HAO1: variants seen among roughly 807,000 people sequenced by gnomAD.
HAO1 encodes hydroxyacid oxidase 1.
Under a neutral mutation model 39.7 loss-of-function variants are expected in HAO1, and 34 were observed. The observed-to-expected ratio is 0.86, with a 90% CI of 0.65 to 1.14. HAO1 has a LOEUF of 1.14. HAO1 is among the 50% of genes most tolerant of loss of function. The pLI, the probability that HAO1 is intolerant of heterozygous loss-of-function variation, is 0.00. For missense variants in HAO1, 479 were observed against 464.5 expected, an observed-to-expected ratio of 1.03 and a Z score of -0.29; for synonymous variants, 172 against 173.2, an observed-to-expected ratio of 0.99 and a Z score of 0.05.
rs759839485 is a variant in HAO1 at position 7,885,828 on chromosome 20, C to T, written c.850G>A (p.Gly284Arg). 27 of 1,613,664 alleles carry T rather than the reference C, an allele frequency of 1.7e-5. No homozygotes were observed. Among genetic ancestry groups the T allele is most frequent in the Non-Finnish European group, 2.3e-5 (27 of 1,179,654 alleles). ...CCGTCCAGGAAGACTTCCACCTTCC[C>T]TTCCACAGCCTCCACAATTTCTGGC... ...VLPEIVEAVE[G>R]KVEVFLDGGV... Residue 284 changes from glycine to arginine, a missense_variant, in exon 6 of 8, where the codon GGG (glycine) becomes AGG (arginine). By Grantham distance (125) the Gly-to-Arg change is moderately radical. Transcript: ENST00000378789.
chr20:7,934,695 C>T, intron 1 of HAO1, 60 bp from the exon 2 acceptor site: 2 of 1,011,682 alleles, frequency 2.0e-6, no homozygotes, highest in Non-Finnish European at 2.7e-6. Flanking sequence ...ATAACCAAAA[C>T]TTTGACATTA....
rs867019122 is a variant in HAO1, at chr20:7,895,152, AG to A, written c.793del (p.Leu265SerfsTer37). ...ILVSNHGARQ[L>X]DGVPATIDVL... Reference sequence around the variant, plus strand: ...ACTCACAGTGGCTGGCACCCCATCGAGTTGTCGAGCCCCATGATTCGACACC... The same window carrying A: ...ACTCACAGTGGCTGGCACCCCATCGATTGTCGAGCCCCATGATTCGACACC... On this transcript the variant is annotated frameshift_variant, in exon 5 of 8. Transcript: ENST00000378789. LOFTEE classifies it high-confidence loss of function. 56 of 1,610,560 alleles carry A rather than the reference AG, an allele frequency of 3.5e-5. No individual in the cohort carries two copies. Among genetic ancestry groups the A allele is most frequent in the Non-Finnish European group, 4.8e-5 (56 of 1,177,030 alleles).
At chr20:7,898,916 G>T (rs535968677) in intron 4 of HAO1, among the ~76,000 whole-genome samples, 1 of 149,614 alleles carries the variant, frequency 6.7e-6, no homozygotes, top group East Asian at 2.0e-4. Flanking sequence ...ATCTAGTTAT[G>T]TACAGGATCC....
chr20:7,887,778 A>C (rs753673751), intron 5 of HAO1, among the ~76,000 whole-genome samples: 10 of 152,186 alleles, frequency 6.6e-5, no homozygotes, highest in Non-Finnish European at 1.2e-4. Context: ...CCTAAAAGTA[A>C]ACTAATAAAG....
At chr20:7,903,256 C>T (rs2050229099) in intron 4 of HAO1, among the ~76,000 whole-genome samples, 1 of 150,132 alleles carries the variant, frequency 6.7e-6, no homozygotes, top group Non-Finnish European at 1.5e-5. Flanking sequence ...TAAGTTATTT[C>T]CCTTTAAATG....
rs2050149113 is a variant in HAO1 at position 7,885,874 on chromosome 20, G to A, written c.814-10C>T. 1 of 1,610,710 alleles carries A rather than the reference G, an allele frequency of 6.2e-7. No individual in the cohort carries two copies. Among genetic ancestry groups the A allele is most frequent in the Admixed American group, 1.7e-5 (1 of 59,884 alleles). ...CTGGCAGAACATCAATCTGGGGAAA[G>A]AAAAGTTCAATAATGTGACTCTATT... On this transcript the variant is annotated splice_polypyrimidine_tract_variant and intron_variant, in intron 5 of 7. Transcript: ENST00000378789.
intron 2 of HAO1, among the ~76,000 whole-genome samples, chr20:7,925,939 A>T (rs1272226570): frequency 6.6e-6 from 1 of 152,152 alleles, no homozygotes; most frequent in Non-Finnish European, 1.5e-5. Context: ...TTAACACTGA[A>T]GCCACTATTT....
chr20:7,936,655 T>C (rs1411425352), intron 1 of HAO1, among the ~76,000 whole-genome samples: 5 of 151,966 alleles, frequency 3.3e-5, no homozygotes, highest in South Asian at 4.2e-4. Flanking sequence ...GGCTTTACAC[T>C]TGTCCACTTG....
At chr20:7,906,704 T>G (rs2050250044) in intron 3 of HAO1, among the ~76,000 whole-genome samples, 2 of 152,190 alleles carry the variant, frequency 1.3e-5, no homozygotes, top group African/African-American at 4.8e-5. Context: ...TTAAAAAGCA[T>G]TTTTATGGTG....
chr20:7,934,371 T>A lies in HAO1; in HGVS notation c.289+113A>T, dbSNP rs8114834. 3,751 of 727,566 alleles carry A rather than the reference T, an allele frequency of 5.2e-3. 72 individuals carry two copies. The highest frequency in any genetic ancestry group is 0.044 in the African/African-American group (2,401 of 55,076). The allele number at this position is 727,566 out of a possible 1,614,324, so 45.1% of individuals were successfully genotyped here. A position where few individuals can be genotyped will look rare whatever the true frequency, so the allele number is the denominator to read the frequency against. On this transcript the variant is annotated intron_variant, in intron 2 of 7. Transcript: ENST00000378789. ...ATTTTGATGATAGAGTCCATGAGCTTAATGTTTCTGAGTGTAAAAACATCA... is the reference window on the plus strand; with the variant it reads ...ATTTTGATGATAGAGTCCATGAGCTAAATGTTTCTGAGTGTAAAAACATCA...
At chr20:7,892,329 C>G (rs2050177864) in intron 5 of HAO1, among the ~76,000 whole-genome samples, 1 of 152,194 alleles carries the variant, frequency 6.6e-6, no homozygotes, top group Admixed American at 6.5e-5. Context: ...AAGTGATCCA[C>G]TTGCCTTGGC....
chr20:7,915,129 A>G (rs2050300937), intron 2 of HAO1, among the ~76,000 whole-genome samples: 1 of 150,632 alleles, frequency 6.6e-6, no homozygotes, highest in East Asian at 2.0e-4. Flanking sequence ...TCAAAAAAAA[A>G]TAATATTATT....
chr20:7,928,461 T>C (rs901472348), intron 2 of HAO1, among the ~76,000 whole-genome samples: 61 of 152,136 alleles, frequency 4.0e-4, no homozygotes, highest in Non-Finnish European at 7.9e-4. Context: ...TTCTGGGTTT[T>C]TGTTTTTGGA....
chr20:7,909,754 A>G (rs2050268407), intron 3 of HAO1, among the ~76,000 whole-genome samples: 1 of 152,146 alleles, frequency 6.6e-6, no homozygotes, highest in Admixed American at 6.5e-5. Flanking sequence ...TTGATAATGC[A>G]ACATTAAAGA....
intron 2 of HAO1, among the ~76,000 whole-genome samples, chr20:7,920,443 C>T (rs111410516): frequency 6.6e-6 from 1 of 152,120 alleles, no homozygotes; most frequent in Non-Finnish European, 1.5e-5. Flanking sequence ...AATACCTAAT[C>T]GTTTAGTAAT....
rs766951602 is a variant in HAO1, at chr20:7,906,882, A to G, written c.546-553T>C. Among the ~76,000 whole-genome samples the G allele has an allele frequency of 2.0e-5, 3 of 152,342 alleles. No individual in the cohort carries two copies. The South Asian group carries it at 6.2e-4, about 32-fold the overall frequency. On this transcript the variant is annotated intron_variant, in intron 3 of 7. Coordinates refer to ENST00000378789, the MANE Select transcript of HAO1 (RefSeq NM_017545.3). ...TAGCTAATAGCAGTATTTGAGCTCC[A>G]AACTGGGTCCCTTGACTTCATTCCT...
At chr20:7,897,463 T>C (rs929879953) in intron 4 of HAO1, among the ~76,000 whole-genome samples, 1 of 152,140 alleles carries the variant, frequency 6.6e-6, no homozygotes, top group African/African-American at 2.4e-5. Context: ...TTTCTTTCTA[T>C]TTATCTTATT....
At chr20:7,897,963 C>G (rs2050205077) in intron 4 of HAO1, among the ~76,000 whole-genome samples, 1 of 152,092 alleles carries the variant, frequency 6.6e-6, no homozygotes, top group African/African-American at 2.4e-5. Context: ...CAGGAAATGT[C>G]AACTAAGAGG....
At chr20:7,887,639 C>T (rs760720447) in intron 5 of HAO1, among the ~76,000 whole-genome samples, 1 of 152,072 alleles carries the variant, frequency 6.6e-6, no homozygotes, top group Non-Finnish European at 1.5e-5. Context: ...ATGATGCAAG[C>T]TATAATTAAG....
Sources: gnomAD v4.1 joint callset for allele counts (sites outside exome capture counted in the v4.1 genomes callset) on GRCh38, gnomAD v4.1.1 for gene constraint, MANE v1.5 for transcripts, NCBI Gene and HGNC (gene_info 2026-07-23, HGNC 2026-07-21) for gene names.